COP1: variants seen among roughly 807,000 people sequenced by gnomAD.
The protein encoded by COP1 is COP1 E3 ubiquitin ligase, also known as E3 ubiquitin-protein ligase COP1.
Under a neutral mutation model 101.3 loss-of-function variants are expected in COP1, and 24 were observed. The ratio of observed to expected loss-of-function variants is 0.24; its 90% CI spans 0.17 to 0.33. The LOEUF (loss-of-function observed/expected upper bound fraction) is 0.33. Among genes scored for constraint, COP1 ranks in the 10% least tolerant of loss-of-function variants. The probability of loss-of-function intolerance (pLI) is 1.00; values close to 1 mark genes in which losing one functional copy is unlikely to be tolerated. For missense variants in COP1, 663 were observed against 906.2 expected (o/e 0.73, Z 3.45); for synonymous variants, 347 against 341.9 (o/e 1.01, Z -0.17).
intron 15 of COP1, among the ~76,000 whole-genome samples, chr1:175,997,552 GA>G (rs1297768977): frequency 6.6e-6 from 1 of 151,762 alleles, no homozygotes; most frequent in Admixed American, 6.6e-5. Flanking sequence ...AAATTTACAA[GA>G]AAAAAACAAA....
At chr1:176,069,691 A>G (rs918623365) in intron 11 of COP1, among the ~76,000 whole-genome samples, 1 of 152,190 alleles carries the variant, frequency 6.6e-6, no homozygotes, top group Non-Finnish European at 1.5e-5. Flanking sequence ...ACACCTTGCC[A>G]GCAAATCTAA....
chr1:176,035,809 T>C (rs902303574), intron 14 of COP1, among the ~76,000 whole-genome samples: 1 of 150,748 alleles, frequency 6.6e-6, no homozygotes, highest in African/African-American at 2.4e-5. Context: ...CCAAACAGCA[T>C]TTATAGTACA....
intron 18 of COP1, among the ~76,000 whole-genome samples, chr1:175,980,571 G>A (rs1043205361): frequency 3.9e-5 from 6 of 152,038 alleles, no homozygotes; most frequent in Non-Finnish European, 8.8e-5. Flanking sequence ...GGGAAATTTG[G>A]AAATCTGTTA....
intron 5 of COP1, among the ~76,000 whole-genome samples, chr1:176,151,361 G>GAA (rs1454673236): frequency 3.5e-5 from 2 of 56,888 alleles, no homozygotes; most frequent in Admixed American, 1.6e-4. Flanking sequence ...GAAAAAGAAA[G>GAA]AAAGAAAGAA....
chr1:176,142,535 A>C (rs1245045728), intron 6 of COP1, among the ~76,000 whole-genome samples: 4 of 152,174 alleles, frequency 2.6e-5, no homozygotes, highest in Admixed American at 2.0e-4. Flanking sequence ...GTATGAATGC[A>C]GGAAATTCTC....
Position 176,043,762 on chromosome 1 carries a change from C to G in COP1, c.1478G>C (p.Gly493Ala). 1 of 1,612,184 alleles carries G rather than the reference C, an allele frequency of 6.2e-7. No homozygotes were observed. Among genetic ancestry groups the G allele is most frequent in the Non-Finnish European group, 8.5e-7 (1 of 1,178,402 alleles). ...GAATCCATCCCATAAAATAACAGTGCCTTCATAATCACTGCTAGCTAACAG... is the reference window on the plus strand; with the variant it reads ...GAATCCATCCCATAAAATAACAGTGGCTTCATAATCACTGCTAGCTAACAG... ...KNLLASSDYE[G>A]TVILWDGFTG... Residue 493 changes from glycine (G) to alanine (A), a missense_variant, in exon 13 of 20, where the codon GGC (glycine) becomes GCC (alanine). Around this residue, in one of 4 missense-constraint regions of COP1, gnomAD observed 209 missense variants for 383.3 expected, o/e 0.55. Coordinates refer to ENST00000367669, the MANE Select transcript of COP1 (RefSeq NM_022457.7).
intron 9 of COP1, among the ~76,000 whole-genome samples, chr1:176,087,513 A>T (rs1680445269): frequency 6.6e-6 from 1 of 152,254 alleles, no homozygotes; most frequent in South Asian, 2.1e-4. Flanking sequence ...AGTGATCATC[A>T]TCATTGGCCA....
chr1:175,994,388 A>G (rs1042373078), intron 15 of COP1, among the ~76,000 whole-genome samples: 4 of 152,236 alleles, frequency 2.6e-5, no homozygotes, highest in African/African-American at 7.2e-5. Flanking sequence ...AAATTCACAC[A>G]TAACAATATT....
chr1:176,043,688 TG>T, intron 13 of COP1, 21 bp downstream of exon 13: 1 of 1,265,044 alleles, frequency 7.9e-7, no homozygotes, highest in Non-Finnish European at 1.2e-6. Flanking sequence ...TCATATAACA[TG>T]TAACTAGTAC....
intron 11 of COP1, among the ~76,000 whole-genome samples, chr1:176,078,742 T>C (rs1216478738): frequency 6.6e-6 from 1 of 151,748 alleles, no homozygotes; most frequent in East Asian, 1.9e-4. Flanking sequence ...TTGCAAACTA[T>C]GCATCTGACA....
chr1:176,008,187 T>C (rs1385693908), intron 15 of COP1, among the ~76,000 whole-genome samples: 1 of 152,188 alleles, frequency 6.6e-6, no homozygotes, highest in African/African-American at 2.4e-5. Context: ...AGGCAATGCC[T>C]CGCCCTGCAT....
chr1:176,190,406 T>C (rs975197320), intron 1 of COP1, among the ~76,000 whole-genome samples: 1 of 151,982 alleles, frequency 6.6e-6, no homozygotes, highest in African/African-American at 2.4e-5. Flanking sequence ...TTTATTAAAA[T>C]CGTGTTCTTC....
At chr1:176,015,116 C>T (rs1176815213) in intron 15 of COP1, among the ~76,000 whole-genome samples, 1 of 151,928 alleles carries the variant, frequency 6.6e-6, no homozygotes. Context: ...GTGGTAAGAG[C>T]CAGGGGAAGA....
Position 176,000,706 on chromosome 1 carries a change from T to C in COP1, c.1730-11227A>G, listed in dbSNP as rs1192488640. Among the ~76,000 whole-genome samples, 7 of 151,934 alleles carry C rather than the reference T, an allele frequency of 4.6e-5. No individual in the cohort carries two copies. In the East Asian group the frequency reaches 9.6e-4, roughly 21 times the overall value. ...AAAAGGGTTCTCAACCTGTATATGGTAGAATTTTTACATGCAATGTTGCTT... is the reference window on the plus strand; with the variant it reads ...AAAAGGGTTCTCAACCTGTATATGGCAGAATTTTTACATGCAATGTTGCTT... On this transcript the variant is annotated intron_variant, in intron 15 of 19. Transcript: ENST00000367669.
At chr1:176,196,459 AG>A (rs1699708870) in intron 1 of COP1, among the ~76,000 whole-genome samples, 1 of 152,190 alleles carries the variant, frequency 6.6e-6, no homozygotes, top group Non-Finnish European at 1.5e-5. Context: ...TAAAAGAATA[AG>A]GGGTATATTA....
chr1:175,984,552 C>T (rs1248554583), intron 18 of COP1, among the ~76,000 whole-genome samples: 2 of 152,130 alleles, frequency 1.3e-5, no homozygotes, highest in African/African-American at 4.8e-5. Context: ...ACACAGAGTC[C>T]CTACTGGGGC....
intron 9 of COP1, among the ~76,000 whole-genome samples, chr1:176,106,057 G>A (rs1452718223): frequency 6.6e-6 from 1 of 152,120 alleles, no homozygotes; most frequent in Non-Finnish European, 1.5e-5. Flanking sequence ...TTGAGACAGA[G>A]TCTCGCTCTG....
Position 176,020,472 on chromosome 1 carries a change from A to G in COP1, c.1729+7100T>C, listed in dbSNP as rs533032468. Among the ~76,000 whole-genome samples the G allele has an allele frequency of 8.5e-5, 13 of 152,162 alleles. 1 individual carries two copies. In the South Asian group the frequency reaches 2.7e-3, roughly 32 times the overall value. On this transcript the variant is annotated intron_variant, in intron 15 of 19. Coordinates refer to ENST00000367669, the MANE Select transcript of COP1 (RefSeq NM_022457.7). ...GGCAGGTGGATCACCTGAGGTCAGAAGTTCGAGTCCAGCCTGGCCAACATG... is the reference window on the plus strand; with the variant it reads ...GGCAGGTGGATCACCTGAGGTCAGAGGTTCGAGTCCAGCCTGGCCAACATG...
chr1:176,160,946 T>C (rs513354), intron 5 of COP1, among the ~76,000 whole-genome samples: 41,252 of 152,082 alleles, frequency 0.27, 6,708 homozygotes, highest in East Asian at 0.52. Flanking sequence ...CTTAGTTATA[T>C]AAGAAGGAAT....
Sources: gnomAD v4.1 joint callset for allele counts (sites outside exome capture counted in the v4.1 genomes callset) on GRCh38, gnomAD v4.1.1 for gene constraint, gnomAD v4.1.1 regional missense constraint, MANE v1.5 for transcripts, NCBI Gene and HGNC (gene_info 2026-07-23, HGNC 2026-07-21) for gene names.